The following FNIP2 variants were observed in gnomAD, a reference collection of about 807,000 sequenced individuals.
The protein encoded by FNIP2 is folliculin-interacting protein 2.
In FNIP2, 32 loss-of-function variants were observed where a neutral mutation model predicts 108.7. That is an observed-to-expected ratio of 0.29 (90% CI 0.22 to 0.40). FNIP2 has a LOEUF of 0.40. Among genes scored for constraint, FNIP2 ranks in the 10% least tolerant of loss-of-function variants. FNIP2 has a pLI of 1.00. For synonymous variants in FNIP2, 480 were observed against 496.7 expected, an observed-to-expected ratio of 0.97 and a Z score of 0.45; for missense variants, 1,202 against 1,381.6, an observed-to-expected ratio of 0.87 and a Z score of 2.06.
intron 14 of FNIP2, among the ~76,000 whole-genome samples, chr4:158,881,641 C>T (rs933654155): frequency 2.4e-4 from 37 of 152,196 alleles, no homozygotes; most frequent in African/African-American, 7.2e-4. Flanking sequence ...TTGGTGGAGA[C>T]GGGGTTTCAC....
At position 158,841,478 on chromosome 4, in the gene FNIP2, G is replaced by A. The variant is rs78911303; in HGVS notation, c.727+6002G>A. Among the ~76,000 whole-genome samples the A allele has an allele frequency of 1.7e-3, 266 of 152,306 alleles. 1 individual carries two copies. The highest frequency in any genetic ancestry group is 0.014 in the East Asian group (71 of 5,186). ...ATGAAGGATGGCATCCCGTTTGTAC[G>A]TGAACCCTTCACCAACTGAACTGAT... On this transcript the variant is annotated intron_variant, in intron 7 of 16. Coordinates refer to ENST00000264433, the MANE Select transcript of FNIP2 (RefSeq NM_020840.3).
chr4:158,833,445 T>G lies in FNIP2; in HGVS notation c.555-83T>G, dbSNP rs1778588949. ...TGACTGATCAGTCGTTGTCTATATT[T>G]GGAAGTCTATTAGAAAACAGCTTTA... On this transcript the variant is annotated intron_variant, in intron 5 of 16. Coordinates refer to ENST00000264433, the MANE Select transcript of FNIP2 (RefSeq NM_020840.3). 3 of 770,890 alleles carry G rather than the reference T, an allele frequency of 3.9e-6. No individual in the cohort carries two copies. The East Asian group carries it at 7.3e-5, about 19-fold the overall frequency. The allele number at this position is 770,890 out of a possible 1,614,324, so 47.8% of individuals were successfully genotyped here.
At chr4:158,897,874 T>TA (rs1782832236) in intron 16 of FNIP2, among the ~76,000 whole-genome samples, 1 of 152,256 alleles carries the variant, frequency 6.6e-6, no homozygotes, top group South Asian at 2.1e-4. Context: ...TGGCTTTTGT[T>TA]ACCATTGCTT....
At chr4:158,871,879 C>T (rs1246919607) in intron 14 of FNIP2, 2 of 985,352 alleles carry the variant, frequency 2.0e-6, no homozygotes, top group African/African-American at 1.7e-5. Flanking sequence ...TTGTCCAAAA[C>T]GATGTCTGAT....
chr4:158,882,387 G>A (rs577395493), intron 14 of FNIP2, among the ~76,000 whole-genome samples: 93 of 149,950 alleles, frequency 6.2e-4, no homozygotes, highest in Admixed American at 1.2e-3. Context: ...GGTGGGGGGC[G>A]CCTCCGCCCG....
chr4:158,785,087 CTTTT>C (rs397805773), intron 1 of FNIP2, among the ~76,000 whole-genome samples: 2 of 123,180 alleles, frequency 1.6e-5, no homozygotes. Flanking sequence ...TAAAGTTCCT[CTTTT>C]TTTTTTTTTT....
chr4:158,896,150 C>T (rs1424769752), intron 16 of FNIP2, among the ~76,000 whole-genome samples: 1 of 152,222 alleles, frequency 6.6e-6, no homozygotes. Context: ...TTTAATCCCA[C>T]ACTGCCCGTT....
In FNIP2 at chr4:158,901,460, T is replaced by A. The variant is rs866790608; in HGVS notation, c.3267-3006T>A. Among the ~76,000 whole-genome samples the A allele has an allele frequency of 8.1e-4, 123 of 152,238 alleles. 1 individual carries two copies. The highest frequency in any genetic ancestry group is 2.9e-3 in the African/African-American group (119 of 41,542). ...TCAACCTCCGTGAATCTGACCATTA[T>A]GTGTCTTGGGGTTGCTCTTCTCGAG... On this transcript the variant is annotated intron_variant, in intron 16 of 16. Transcript: ENST00000264433.
chr4:158,792,788 C>T (rs963987508), intron 1 of FNIP2, among the ~76,000 whole-genome samples: 1 of 152,186 alleles, frequency 6.6e-6, no homozygotes, highest in Non-Finnish European at 1.5e-5. Context: ...AGTAGAAGCC[C>T]TCTGCAGCAC....
At chr4:158,792,346 G>A (rs1012267323) in intron 1 of FNIP2, among the ~76,000 whole-genome samples, 1 of 151,158 alleles carries the variant, frequency 6.6e-6, no homozygotes, top group Non-Finnish European at 1.5e-5. Flanking sequence ...CTATAAACAA[G>A]TGTCCTTTTC....
chr4:158,902,595 C>T (rs1338960828), intron 16 of FNIP2, among the ~76,000 whole-genome samples: 1 of 152,196 alleles, frequency 6.6e-6, no homozygotes, highest in Non-Finnish European at 1.5e-5. Context: ...GCCGCCCCTT[C>T]CCCCAGGTGC....
At chr4:158,847,680 G>T (rs544138885) in intron 7 of FNIP2, among the ~76,000 whole-genome samples, 11 of 152,106 alleles carry the variant, frequency 7.2e-5, no homozygotes, top group African/African-American at 2.7e-4. Flanking sequence ...GTGGGGTAGA[G>T]CACCAAGCAG....
At chr4:158,806,453 A>G (rs1404058366) in intron 1 of FNIP2, 3 of 1,266,726 alleles carry the variant, frequency 2.4e-6, no homozygotes, top group Non-Finnish European at 3.1e-6. Flanking sequence ...TCAAAGTCTC[A>G]GATAATTTTT....
At chr4:158,852,971 C>T (rs1779782184) in intron 8 of FNIP2, among the ~76,000 whole-genome samples, 1 of 151,780 alleles carries the variant, frequency 6.6e-6, no homozygotes, top group Non-Finnish European at 1.5e-5. Flanking sequence ...AAATGTGGTC[C>T]TCTTACCCAA....
intron 1 of FNIP2, among the ~76,000 whole-genome samples, chr4:158,792,477 G>C (rs963630591): frequency 1.3e-4 from 20 of 151,786 alleles, no homozygotes; most frequent in Non-Finnish European, 1.8e-4. Flanking sequence ...TGTGATGTGC[G>C]TTACAAAGAC....
At chr4:158,851,666 G>T (rs1779708525) in intron 8 of FNIP2, among the ~76,000 whole-genome samples, 1 of 152,198 alleles carries the variant, frequency 6.6e-6, no homozygotes, top group Non-Finnish European at 1.5e-5. Flanking sequence ...AGACACTGGG[G>T]AGTATCTGGG....
At chr4:158,886,555 C>T (rs1488420971) in intron 14 of FNIP2, among the ~76,000 whole-genome samples, 1 of 152,106 alleles carries the variant, frequency 6.6e-6, no homozygotes, top group Non-Finnish European at 1.5e-5. Context: ...AGGAGGGTGG[C>T]GATAGGGCAG....
chr4:158,857,144 TCA>T (rs1245630161), intron 8 of FNIP2, among the ~76,000 whole-genome samples: 1 of 152,218 alleles, frequency 6.6e-6, no homozygotes, highest in Non-Finnish European at 1.5e-5. Context: ...TGTATTGGGT[TCA>T]GTGTTTATTA....
At chr4:158,780,503 T>C (rs1776006450) in intron 1 of FNIP2, among the ~76,000 whole-genome samples, 3 of 152,246 alleles carry the variant, frequency 2.0e-5, no homozygotes, top group Non-Finnish European at 4.4e-5. Flanking sequence ...GTCTCATAGT[T>C]ATCCTTTGAT....
Sources: allele counts gnomAD v4.1 joint callset (sites outside exome capture counted in the v4.1 genomes callset), GRCh38; gene constraint gnomAD v4.1.1; transcripts MANE v1.5; gene names NCBI Gene and HGNC (gene_info 2026-07-23, HGNC 2026-07-21).